TMEM132D: variants seen among roughly 807,000 people sequenced by gnomAD.
The protein encoded by TMEM132D is transmembrane protein 132D.
A neutral mutation model predicts 62.3 loss-of-function variants in TMEM132D; 21 were observed. That is an observed-to-expected ratio of 0.34 (90% CI 0.24 to 0.49). The LOEUF is 0.49. Ranked by LOEUF, TMEM132D falls within the 20% of genes least tolerant of loss-of-function variation. TMEM132D has a pLI of 0.99. For missense variants in TMEM132D, 1,346 were observed against 1,402.8 expected, an observed-to-expected ratio of 0.96 and a Z score of 0.65; for synonymous variants, 621 against 575.6, an observed-to-expected ratio of 1.08 and a Z score of -1.13.
rs547934843 is a variant in TMEM132D at position 129,190,057 on chromosome 12, T to G, written c.1443+19463A>C. 6.7e-5 allele frequency among the ~76,000 whole-genome samples: 10 copies of G among 149,458 alleles called. No homozygotes were observed. In the South Asian group the frequency reaches 1.9e-3, roughly 29 times the overall value. On this transcript the variant is annotated intron_variant, in intron 5 of 8. Coordinates refer to ENST00000422113, the MANE Select transcript of TMEM132D (RefSeq NM_133448.3). The stretch of plus-strand genomic sequence containing the variant: ...CTGGCGCTGAAGATGCAGGGAAGGG[T>G]CTTGGGACGGCCTGCAGATGGAGGA...
chr12:129,076,696 C>T (rs763983055), intron 8 of TMEM132D, among the ~76,000 whole-genome samples: 3 of 152,198 alleles, frequency 2.0e-5, no homozygotes, highest in Non-Finnish European at 2.9e-5. Context: ...AAACGCACAA[C>T]GGAGTTCTTG....
intron 5 of TMEM132D, among the ~76,000 whole-genome samples, chr12:129,175,221 C>A (rs1284746412): frequency 6.7e-6 from 1 of 148,262 alleles, no homozygotes; most frequent in Non-Finnish European, 1.5e-5. Flanking sequence ...TTACATTTGT[C>A]TTTAATCCAT....
At chr12:129,859,087 T>C (rs1873801787) in intron 1 of TMEM132D, among the ~76,000 whole-genome samples, 1 of 152,124 alleles carries the variant, frequency 6.6e-6, no homozygotes, top group Non-Finnish European at 1.5e-5. Flanking sequence ...ATGGGTGCCC[T>C]TACAAAAGAG....
chr12:129,553,499 G>T (rs556711872), intron 2 of TMEM132D, among the ~76,000 whole-genome samples: 20 of 152,334 alleles, frequency 1.3e-4, no homozygotes, highest in Middle Eastern at 3.4e-3. Flanking sequence ...CAATGAGGCT[G>T]ACTCAGTGGT....
intron 4 of TMEM132D, among the ~76,000 whole-genome samples, chr12:129,272,016 T>C (rs1418281878): frequency 2.0e-5 from 3 of 151,900 alleles, no homozygotes; most frequent in Non-Finnish European, 4.4e-5. Flanking sequence ...AACTAATTTA[T>C]ACTCCCACCC....
At chr12:129,357,502 A>G (rs1294618836) in intron 3 of TMEM132D, among the ~76,000 whole-genome samples, 2 of 151,584 alleles carry the variant, frequency 1.3e-5, no homozygotes, top group African/African-American at 4.9e-5. Context: ...GAAGGAACAA[A>G]GGAAGGAGAA....
At chr12:129,583,741 C>G (rs1454722215) in intron 2 of TMEM132D, among the ~76,000 whole-genome samples, 1 of 152,114 alleles carries the variant, frequency 6.6e-6, no homozygotes, top group African/African-American at 2.4e-5. Context: ...GCAAAGAATC[C>G]CTTGGAGACA....
In TMEM132D at chr12:129,074,796, G is replaced by T; in HGVS notation, c.2379C>A (p.Ile793=). 5 of 1,614,064 alleles carry T rather than the reference G, an allele frequency of 3.1e-6. No homozygotes were observed. The highest frequency in any genetic ancestry group is 4.2e-6 in the Non-Finnish European group (5 of 1,180,028). ...CATCGTTTTGGCCAAATTTAACTTT[G>T]ATGTTTGCCGTTCCAACAGCTAACA... ...KSVLAVGTAN[I]KVKFGQNDAN... is the part of the protein sequence containing the mutation. The change falls in exon 9 of 9, where the codon ATC becomes ATA. Residue 793 remains isoleucine (I), a synonymous_variant. Coordinates refer to ENST00000422113, the MANE Select transcript of TMEM132D (RefSeq NM_133448.3).
chr12:129,797,507 A>C (rs1313626366), intron 1 of TMEM132D, among the ~76,000 whole-genome samples: 1 of 152,190 alleles, frequency 6.6e-6, no homozygotes, highest in Non-Finnish European at 1.5e-5. Context: ...GCTTCACTGC[A>C]CAGCTGATCA....
chr12:129,726,202 C>T (rs1235664468), intron 1 of TMEM132D, among the ~76,000 whole-genome samples: 2 of 152,208 alleles, frequency 1.3e-5, no homozygotes, highest in Non-Finnish European at 2.9e-5. Flanking sequence ...ACCTTTTCCC[C>T]TTGCTGACTG....
chr12:129,491,833 T>C (rs1874804131), intron 3 of TMEM132D, among the ~76,000 whole-genome samples: 1 of 152,140 alleles, frequency 6.6e-6, no homozygotes, highest in Non-Finnish European at 1.5e-5. Flanking sequence ...TCCCAGCTAC[T>C]TGGGAGACTG....
At chr12:129,408,243 C>T (rs930083988) in intron 3 of TMEM132D, among the ~76,000 whole-genome samples, 3 of 152,150 alleles carry the variant, frequency 2.0e-5, no homozygotes, top group African/African-American at 4.8e-5. Context: ...TTCATTATGC[C>T]TATTCTATAA....
intron 2 of TMEM132D, among the ~76,000 whole-genome samples, chr12:129,571,095 C>T (rs1022396152): frequency 4.6e-5 from 7 of 152,180 alleles, no homozygotes; most frequent in Admixed American, 2.0e-4. Context: ...TGTAGCCATA[C>T]GTTAGAGGTA....
chr12:129,305,808 G>A (rs1881834952), intron 4 of TMEM132D, among the ~76,000 whole-genome samples: 2 of 152,148 alleles, frequency 1.3e-5, no homozygotes. Flanking sequence ...AGGTCTTTGT[G>A]AGCAGTGCTG....
chr12:129,329,605 A>G (rs1200846826), intron 4 of TMEM132D, among the ~76,000 whole-genome samples: 2 of 152,186 alleles, frequency 1.3e-5, no homozygotes, highest in Non-Finnish European at 2.9e-5. Flanking sequence ...ACCACACATT[A>G]CTTGTACTGA....
intron 2 of TMEM132D, among the ~76,000 whole-genome samples, chr12:129,652,955 G>A (rs1021585768): frequency 2.0e-5 from 3 of 152,208 alleles, no homozygotes; most frequent in African/African-American, 7.2e-5. Flanking sequence ...GATGACGAAT[G>A]AGAAAACAAT....
At chr12:129,864,607 C>T (rs1029787576) in intron 1 of TMEM132D, among the ~76,000 whole-genome samples, 1 of 152,200 alleles carries the variant, frequency 6.6e-6, no homozygotes, top group Non-Finnish European at 1.5e-5. Context: ...GAGAAGGAAG[C>T]CACTCCCGAG....
chr12:129,356,952 G>GAGGGGGA (rs1870081409), intron 3 of TMEM132D, among the ~76,000 whole-genome samples: 1 of 136,582 alleles, frequency 7.3e-6, no homozygotes, highest in African/African-American at 2.7e-5. Context: ...GAGGGGAGGG[G>GAGGGGGA]AGGGGAGGGC....
chr12:129,881,709 T>C (rs1416221527), intron 1 of TMEM132D, among the ~76,000 whole-genome samples: 1 of 151,944 alleles, frequency 6.6e-6, no homozygotes, highest in Admixed American at 6.6e-5. Flanking sequence ...AAAACTGATC[T>C]AATCTTCCAC....
Sources: allele counts gnomAD v4.1 joint callset (sites outside exome capture counted in the v4.1 genomes callset), GRCh38; gene constraint gnomAD v4.1.1; transcripts MANE v1.5; gene names NCBI Gene and HGNC (gene_info 2026-07-23, HGNC 2026-07-21).